The following TMEM182 variants were observed in gnomAD, a reference collection of about 807,000 sequenced individuals.
TMEM182 encodes transmembrane protein 182.
A neutral mutation model predicts 26.8 loss-of-function variants in TMEM182; 20 were observed. That is an observed-to-expected ratio of 0.75 (90% CI 0.53 to 1.09). TMEM182 has a LOEUF of 1.09. Ranked by LOEUF, TMEM182 falls within the 50% of genes least tolerant of loss-of-function variation. The pLI, the probability that TMEM182 is intolerant of heterozygous loss-of-function variation, is 0.00. For missense variants in TMEM182, 277 were observed against 275.5 expected, an observed-to-expected ratio of 1.01 and a Z score of -0.04; for synonymous variants, 109 against 102.2, an observed-to-expected ratio of 1.07 and a Z score of -0.40.
At position 102,792,579 on chromosome 2, in the gene TMEM182, A is replaced by T. The variant is rs548781388; in HGVS notation, c.332-5284A>T. On this transcript the variant is annotated intron_variant, in intron 3 of 4. Coordinates refer to ENST00000412401, the MANE Select transcript of TMEM182 (RefSeq NM_144632.5). ...TTATGACTGCATATTTTAATTCTGC[A>T]ATCAAAGTATGGTGCATGTGAAAAC... Among the ~76,000 whole-genome samples the T allele has an allele frequency of 3.3e-5, 5 of 152,360 alleles. No homozygotes were observed. In the South Asian group the frequency reaches 1.0e-3, roughly 32 times the overall value.
Position 102,797,942 on chromosome 2 carries a change from A to G in TMEM182, c.411A>G (p.Ala137=). 6.2e-7 allele frequency: 1 copy of G among 1,614,056 alleles called. No homozygotes were observed. Among genetic ancestry groups the G allele is most frequent in the East Asian group, 2.2e-5 (1 of 44,880 alleles). The change falls in exon 4 of 5, where the codon GCA becomes GCG. Residue 137 remains alanine (A), a synonymous_variant. Transcript: ENST00000412401. ...TCGCAAGCTTTTTGATCATCTGTGC[A>G]GCCCCCTTCGCCAGCCATTTTCTCT... is the stretch of plus-strand genomic sequence containing the variant. ...VVIASFLIIC[A]APFASHFLYK...
intron 3 of TMEM182, among the ~76,000 whole-genome samples, chr2:102,830,877 G>A (rs1683136998): frequency 6.6e-6 from 1 of 151,838 alleles, no homozygotes; most frequent in Non-Finnish European, 1.5e-5. Context: ...CCCAGCCTCT[G>A]GTAATCATCC....
At position 102,798,838 on chromosome 2, in the gene TMEM182, T is replaced by TA. The variant is rs879341029; in HGVS notation, c.469+850dup. ...CTGGATGACAGAGCGAGACTTTGTC[T>TA]AAAAAAAAAAAATAATTAATTAATT... On this transcript the variant is annotated intron_variant, in intron 4 of 4. Transcript: ENST00000412401. Among the ~76,000 whole-genome samples the TA allele has an allele frequency of 4.3e-3, 634 of 146,060 alleles. 8 individuals are homozygous for TA. Among genetic ancestry groups the TA allele is most frequent in the African/African-American group, 0.014 (561 of 40,032 alleles).
intron 3 of TMEM182, among the ~76,000 whole-genome samples, chr2:102,840,196 G>A (rs889535671): frequency 2.6e-5 from 4 of 152,158 alleles, no homozygotes; most frequent in African/African-American, 9.7e-5. Flanking sequence ...ATCTCGAAGG[G>A]TGGAGGCCTT....
chr2:102,833,830 G>C (rs2104777445), intron 3 of TMEM182, among the ~76,000 whole-genome samples: 1 of 152,304 alleles, frequency 6.6e-6, no homozygotes, highest in South Asian at 2.1e-4. Context: ...ATAGATTGGA[G>C]CCATACATTT....
chr2:102,820,388 T>G (rs1032064313), downstream of TMEM182, among the ~76,000 whole-genome samples: 1 of 152,196 alleles, frequency 6.6e-6, no homozygotes, highest in African/African-American at 2.4e-5. Context: ...AGACATGGTC[T>G]TTTTATTCTT....
At chr2:102,819,432 A>G (rs759434618), downstream of TMEM182, among the ~76,000 whole-genome samples, 1 of 152,218 alleles carries the variant, frequency 6.6e-6, no homozygotes, top group Non-Finnish European at 1.5e-5. Context: ...ATATGTAACT[A>G]TCTGAAAGAT....
At chr2:102,798,140 C>T in intron 4 of TMEM182, 140 bp downstream of exon 4, 1 of 1,018,700 alleles carries the variant, frequency 9.8e-7, no homozygotes. Context: ...TGAACACTAA[C>T]TAATAATATT....
At chr2:102,779,559 T>C (rs866722733) in intron 3 of TMEM182, among the ~76,000 whole-genome samples, 1 of 152,238 alleles carries the variant, frequency 6.6e-6, no homozygotes, top group South Asian at 2.1e-4. Flanking sequence ...TTCTCATTAC[T>C]CAATCTTGAA....
chr2:102,752,281 G>A (rs75746675), intron 1 of TMEM182, among the ~76,000 whole-genome samples: 11,473 of 152,318 alleles, frequency 0.075, 561 homozygotes, highest in South Asian at 0.18. Flanking sequence ...GCTGGAGACA[G>A]TGTGAGAGCT....
intron 3 of TMEM182, among the ~76,000 whole-genome samples, chr2:102,770,251 A>G (rs1210017424): frequency 1.3e-5 from 2 of 152,214 alleles, no homozygotes; most frequent in African/African-American, 4.8e-5. Context: ...GAATGAATGG[A>G]CATGAGAAGC....
chr2:102,742,830 A>G (rs1679582207), intron 1 of TMEM182, among the ~76,000 whole-genome samples: 1 of 152,190 alleles, frequency 6.6e-6, no homozygotes, highest in Non-Finnish European at 1.5e-5. Context: ...ATTATCCTGC[A>G]AGAAAGAGTG....
intron 2 of TMEM182, 81 bp from the exon 3 acceptor site, chr2:102,764,248 C>A: frequency 7.2e-7 from 1 of 1,379,588 alleles, no homozygotes; most frequent in Non-Finnish European, 1.0e-6. Flanking sequence ...AACCCTTGTG[C>A]TCTGTATTTC....
intron 4 of TMEM182, among the ~76,000 whole-genome samples, chr2:102,812,266 CAT>C (rs1018687059): frequency 2.6e-5 from 4 of 152,092 alleles, no homozygotes; most frequent in African/African-American, 4.8e-5. Flanking sequence ...CTCTTGACCA[CAT>C]GTCTCATGCA....
chr2:102,784,339 A>T (rs1367664325), intron 3 of TMEM182, among the ~76,000 whole-genome samples: 2 of 150,632 alleles, frequency 1.3e-5, no homozygotes, highest in Admixed American at 1.3e-4. Flanking sequence ...AAGAAAAGAA[A>T]GTATGTGTTT....
intron 3 of TMEM182, among the ~76,000 whole-genome samples, chr2:102,785,796 T>G (rs1210234450): frequency 6.6e-6 from 1 of 152,174 alleles, no homozygotes; most frequent in Non-Finnish European, 1.5e-5. Flanking sequence ...AAATGTGATT[T>G]CTTGGATGTT....
chr2:102,750,204 C>T (rs1463209071), intron 1 of TMEM182, among the ~76,000 whole-genome samples: 1 of 152,004 alleles, frequency 6.6e-6, no homozygotes, highest in Non-Finnish European at 1.5e-5. Context: ...GCTTATTGGT[C>T]TGCTAGTGAA....
chr2:102,751,322 C>G (rs1270686203), intron 1 of TMEM182, among the ~76,000 whole-genome samples: 1 of 152,056 alleles, frequency 6.6e-6, no homozygotes, highest in African/African-American at 2.4e-5. Context: ...ACATAGTGCA[C>G]GGGGAAGCTG....
chr2:102,778,190 T>G (rs1048352969), intron 3 of TMEM182, among the ~76,000 whole-genome samples: 3 of 151,822 alleles, frequency 2.0e-5, no homozygotes, highest in Non-Finnish European at 2.9e-5. Flanking sequence ...CATAGCTCTG[T>G]TTTTTTTATA....
Sources: allele counts gnomAD v4.1 joint callset (sites outside exome capture counted in the v4.1 genomes callset), GRCh38; gene constraint gnomAD v4.1.1; transcripts MANE v1.5; gene names NCBI Gene and HGNC (gene_info 2026-07-23, HGNC 2026-07-21).